LRRFIP1: variants seen among roughly 807,000 people sequenced by gnomAD.
LRRFIP1 encodes the protein leucine-rich repeat flightless-interacting protein 1.
Under a neutral mutation model 104.4 loss-of-function variants are expected in LRRFIP1, and 62 were observed. The observed-to-expected ratio is 0.59, with a 90% CI of 0.48 to 0.73. LRRFIP1 has a LOEUF of 0.73. LRRFIP1 is among the 30% of genes least tolerant of loss of function. The probability of loss-of-function intolerance (pLI) is 0.00; values close to 1 mark genes in which losing one functional copy is unlikely to be tolerated. For synonymous variants in LRRFIP1, 300 were observed against 299.0 expected (o/e 1.00, Z -0.03); for missense variants, 796 against 824.5 (o/e 0.97, Z 0.42).
At chr2:237,673,631 C>T (rs1575363801) in intron 1 of LRRFIP1, among the ~76,000 whole-genome samples, 2 of 152,198 alleles carry the variant, frequency 1.3e-5, no homozygotes, top group Non-Finnish European at 2.9e-5. Flanking sequence ...GTATCTGGCA[C>T]GGCGGAGGCC....
intron 1 of LRRFIP1, among the ~76,000 whole-genome samples, chr2:237,697,381 A>ATAG (rs1218010812): frequency 1.3e-5 from 2 of 152,064 alleles, no homozygotes; most frequent in Admixed American, 6.5e-5. Flanking sequence ...TAGCTGTGAA[A>ATAG]CTTGTTTTGC....
At position 237,649,160 on chromosome 2, in the gene LRRFIP1, G is replaced by A. The variant is rs943046418; in HGVS notation, c.96+21420G>A. On this transcript the variant is annotated intron_variant, in intron 1 of 23. Coordinates refer to ENST00000308482, the MANE Select transcript of LRRFIP1 (RefSeq NM_001137550.2). The surrounding 1 kb of genome is among the most constrained non-coding windows in gnomAD (Gnocchi z 4.1). ...CGCATGGTCCCAGCCTCAGAGCCCCGTTCTCTGTGACCTGGCTGGGTCAAA... is the reference window on the plus strand; with the variant it reads ...CGCATGGTCCCAGCCTCAGAGCCCCATTCTCTGTGACCTGGCTGGGTCAAA... 9.9e-5 allele frequency among the ~76,000 whole-genome samples: 15 copies of A among 151,808 alleles called. No individual in the cohort carries two copies. The highest frequency in any genetic ancestry group is 2.9e-4 in the African/African-American group (12 of 41,386).
intron 1 of LRRFIP1, among the ~76,000 whole-genome samples, chr2:237,634,483 A>G (rs1184085056): frequency 6.6e-6 from 1 of 152,208 alleles, no homozygotes; most frequent in Non-Finnish European, 1.5e-5. Context: ...ACCATGACTT[A>G]GGGCAAGTTA....
chr2:237,651,928 G>A (rs114291222), intron 1 of LRRFIP1, among the ~76,000 whole-genome samples: 2,027 of 152,318 alleles, frequency 0.013, 39 homozygotes, highest in African/African-American at 0.046. Flanking sequence ...AGGCTCGGGC[G>A]CTGCCCGTGG....
chr2:237,708,873 C>A lies in LRRFIP1; in HGVS notation c.183+243C>A, dbSNP rs143042974. ...GGGGCTTAGAAGCCTCTTGCCTGCG[C>A]AGATCGTCGTTTCTAGCTGCGAGGA... On this transcript the variant is annotated intron_variant, in intron 2 of 23. Transcript: ENST00000308482. 3.0e-3 allele frequency: 1,875 copies of A among 632,420 alleles called. 34 individuals are homozygous for A. In the East Asian group the frequency reaches 0.036, roughly 12 times the overall value. 39.2% of individuals were successfully genotyped at this position (632,420 alleles called of 1,614,324 possible).
chr2:237,765,814 G>A, intron 19 of LRRFIP1: 12 of 966,356 alleles, frequency 1.2e-5, no homozygotes, highest in Non-Finnish European at 1.5e-5. Flanking sequence ...TCATATTACT[G>A]TTACAAGATA....
rs1368679851 is a variant in LRRFIP1, at chr2:237,677,684, T to G, written c.97-30860T>G. Among the ~76,000 whole-genome samples the G allele has an allele frequency of 2.0e-5, 3 of 152,170 alleles. 1 individual carries two copies. In the East Asian group the frequency reaches 5.8e-4, roughly 29 times the overall value. ...AAATGTGAATTATTTGAAGTTTCAG[T>G]GCAGATCCCTTCTTATCACTGTATT... On this transcript the variant is annotated intron_variant, in intron 1 of 23. Coordinates refer to ENST00000308482, the MANE Select transcript of LRRFIP1 (RefSeq NM_001137550.2).
chr2:237,752,756 A>T (rs1358143568), intron 14 of LRRFIP1, among the ~76,000 whole-genome samples: 1 of 152,232 alleles, frequency 6.6e-6, no homozygotes, highest in East Asian at 1.9e-4. Flanking sequence ...GGACCTACCC[A>T]GTGAGATCTG....
At chr2:237,683,675 G>A (rs1040689728) in intron 1 of LRRFIP1, among the ~76,000 whole-genome samples, 13 of 152,192 alleles carry the variant, frequency 8.5e-5, no homozygotes, top group Non-Finnish European at 1.5e-4. Flanking sequence ...GTGTTATGCC[G>A]AAGTGTGTTT....
chr2:237,753,850 ATGTATGTG>A (rs1265838788), intron 15 of LRRFIP1, among the ~76,000 whole-genome samples: 4 of 140,626 alleles, frequency 2.8e-5, no homozygotes, highest in Non-Finnish European at 4.6e-5. Context: ...GTATGTATGT[ATGTATGTG>A]TGGATATATC....
intron 1 of LRRFIP1, among the ~76,000 whole-genome samples, chr2:237,663,379 G>C (rs2088445972): frequency 6.6e-6 from 1 of 152,190 alleles, no homozygotes; most frequent in Non-Finnish European, 1.5e-5. Context: ...ATTAGGGCAT[G>C]AGAGTAAATG....
chr2:237,759,531 G>A (rs2059644990), intron 18 of LRRFIP1, among the ~76,000 whole-genome samples: 1 of 152,226 alleles, frequency 6.6e-6, no homozygotes, highest in African/African-American at 2.4e-5. Flanking sequence ...GAGGGCATGG[G>A]TGAGTGATGT....
chr2:237,666,618 G>A lies in LRRFIP1; in HGVS notation c.96+38878G>A, dbSNP rs117099103. 2.2e-3 allele frequency among the ~76,000 whole-genome samples: 331 copies of A among 152,192 alleles called. 4 individuals are homozygous for A. The East Asian group carries it at 0.025, about 12-fold the overall frequency. ...AGGGAGGCCCTGAGAGGTCTCGGTG[G>A]TGACGGGTTGCAGGCAAGAGGAGTG... On this transcript the variant is annotated intron_variant, in intron 1 of 23. Coordinates refer to ENST00000308482, the MANE Select transcript of LRRFIP1 (RefSeq NM_001137550.2).
At position 237,703,124 on chromosome 2, in the gene LRRFIP1, C is replaced by G. The variant is rs1351821329; in HGVS notation, c.97-5420C>G. Among the ~76,000 whole-genome samples, 1 of 152,178 alleles carries G rather than the reference C, an allele frequency of 6.6e-6. No homozygotes were observed. The highest frequency in any genetic ancestry group is 1.5e-5 in the Non-Finnish European group (1 of 68,044). On this transcript the variant is annotated intron_variant, in intron 1 of 23. Transcript: ENST00000308482. The surrounding 1 kb of genome is among the most constrained non-coding windows in gnomAD (Gnocchi z 4.3). ...CATGCCAAGAAGCCGCTGTTCTAAT[C>G]TAATCAGTGGAGGATCCAGCAAGCT...
At chr2:237,654,770 C>T (rs1022805607) in intron 1 of LRRFIP1, among the ~76,000 whole-genome samples, 16 of 152,102 alleles carry the variant, frequency 1.1e-4, no homozygotes, top group African/African-American at 3.4e-4. Flanking sequence ...AGGCTGGTTT[C>T]GAACTCCTGA....
At chr2:237,680,884 G>A (rs6753606) in intron 1 of LRRFIP1, among the ~76,000 whole-genome samples, 107,099 of 152,022 alleles carry the variant, frequency 0.7, 38,559 homozygotes, top group Middle Eastern at 0.84. Context: ...CAGAGGCTGA[G>A]ATGGGAGGAT....
At chr2:237,723,225 G>T (rs1400558971) in intron 6 of LRRFIP1, among the ~76,000 whole-genome samples, 1 of 152,138 alleles carries the variant, frequency 6.6e-6, no homozygotes, top group African/African-American at 2.4e-5. Flanking sequence ...ATTGATGACA[G>T]TGCATCTGTT....
At chr2:237,699,861 C>T (rs2093417372) in intron 1 of LRRFIP1, among the ~76,000 whole-genome samples, 1 of 152,210 alleles carries the variant, frequency 6.6e-6, no homozygotes, top group African/African-American at 2.4e-5. Context: ...AGCTGCCACC[C>T]CAGAGTGCCC....
Position 237,758,779 on chromosome 2 carries a change from T to A in LRRFIP1, c.1275T>A (p.Asp425Glu). ...TTGATTCCGTAAGGAGTGAACGGGA[T>A]GATCTTAGAGAAGAAGTAGTCATGC... ...EFFDSVRSER[D>E]DLREEVVMLK... The change falls in exon 18 of 24, where the codon GAT becomes GAA. Residue 425 changes from aspartate (D) to glutamate (E), a missense_variant. Coordinates refer to ENST00000308482, the MANE Select transcript of LRRFIP1 (RefSeq NM_001137550.2). 6.2e-7 allele frequency: 1 copy of A among 1,613,572 alleles called. No individual in the cohort carries two copies. Among genetic ancestry groups the A allele is most frequent in the Non-Finnish European group, 8.5e-7 (1 of 1,179,752 alleles).
Sources: allele counts gnomAD v4.1 joint callset (sites outside exome capture counted in the v4.1 genomes callset), GRCh38; gene constraint gnomAD v4.1.1; non-coding constraint Gnocchi (gnomAD v3.1); transcripts MANE v1.5; gene names NCBI Gene and HGNC (gene_info 2026-07-23, HGNC 2026-07-21).